The following CADM1 variants were observed in gnomAD, a reference collection of about 807,000 sequenced individuals.
CADM1 encodes the protein TSLC-1.
CADM1 carries 15 observed loss-of-function variants against 53.1 expected under a neutral mutation model. That is an observed-to-expected ratio of 0.28 (90% CI 0.19 to 0.44). The LOEUF is 0.44. CADM1 is among the 20% of genes least tolerant of loss of function. The probability of loss-of-function intolerance (pLI) is 1.00; values close to 1 mark genes in which losing one functional copy is unlikely to be tolerated. For missense variants in CADM1, 434 were observed against 611.3 expected, an observed-to-expected ratio of 0.71 and a Z score of 3.06; for synonymous variants, 281 against 243.0, an observed-to-expected ratio of 1.16 and a Z score of -1.45.
rs1328026513 is a variant in CADM1 at position 115,233,708 on chromosome 11, A to C, written c.425-2218T>G. Among the ~76,000 whole-genome samples, 3 of 152,092 alleles carry C rather than the reference A, an allele frequency of 2.0e-5. No individual in the cohort carries two copies. The East Asian group carries it at 5.8e-4, about 29-fold the overall frequency. On this transcript the variant is annotated intron_variant, in intron 3 of 11. Transcript: ENST00000331581. ...GAGTGTCTTCTCAACTAAGGAAGGA[A>C]TGAAAGTAAAAAAAAAAAATACCTT...
At chr11:115,284,634 T>G (rs1644971799) in intron 1 of CADM1, among the ~76,000 whole-genome samples, 2 of 152,184 alleles carry the variant, frequency 1.3e-5, no homozygotes, top group Non-Finnish European at 2.9e-5. Flanking sequence ...TTCCTCCTTT[T>G]CTATTTTTTC....
intron 1 of CADM1, among the ~76,000 whole-genome samples, chr11:115,315,179 G>A (rs951606022): frequency 3.3e-5 from 5 of 152,128 alleles, no homozygotes; most frequent in Admixed American, 1.3e-4. Flanking sequence ...AAAGAAAAAG[G>A]AGGGAGGAAG....
intron 1 of CADM1, among the ~76,000 whole-genome samples, chr11:115,405,408 G>C (rs1306522946): frequency 6.6e-6 from 1 of 152,136 alleles, no homozygotes; most frequent in East Asian, 1.9e-4. Flanking sequence ...ACAATCACGT[G>C]GGAGAGCTTT....
rs986437211 is a variant in CADM1 at position 115,254,877 on chromosome 11, T to C, written c.125-14457A>G. Reference sequence around the variant, plus strand: ...AATTTGCACTGTATCTTGTAATCAATAGGGGGCCATTAAGTGATTTTAATC... The same window carrying C: ...AATTTGCACTGTATCTTGTAATCAACAGGGGGCCATTAAGTGATTTTAATC... On this transcript the variant is annotated intron_variant, in intron 1 of 11. Coordinates refer to ENST00000331581, the MANE Select transcript of CADM1 (RefSeq NM_001301043.2). 1.2e-4 allele frequency among the ~76,000 whole-genome samples: 19 copies of C among 152,158 alleles called. 1 individual carries two copies. Among genetic ancestry groups the C allele is most frequent in the Non-Finnish European group, 2.4e-4 (16 of 68,022 alleles).
chr11:115,377,063 C>T (rs997898260), intron 1 of CADM1: 3 of 152,160 alleles, frequency 2.0e-5, no homozygotes, highest in African/African-American at 7.2e-5. Context: ...ATACCATAAA[C>T]CATCATCTCC....
intron 1 of CADM1, among the ~76,000 whole-genome samples, chr11:115,360,584 T>C (rs958962417): frequency 1.3e-5 from 2 of 152,202 alleles, no homozygotes; most frequent in African/African-American, 4.8e-5. Flanking sequence ...CCTGTTGAAA[T>C]TTCCTTACAT....
intron 1 of CADM1, among the ~76,000 whole-genome samples, chr11:115,481,023 T>C (rs983699120): frequency 2.0e-5 from 3 of 152,148 alleles, no homozygotes; most frequent in South Asian, 2.1e-4. Context: ...ATATCTCTTA[T>C]TTTATGATAT....
chr11:115,461,704 G>A (rs1374423636), intron 1 of CADM1, among the ~76,000 whole-genome samples: 6 of 152,160 alleles, frequency 3.9e-5, no homozygotes, highest in African/African-American at 7.2e-5. Context: ...ATGGCCATAG[G>A]GGCAGCCTTT....
At chr11:115,383,087 G>A (rs976654067) in intron 1 of CADM1, among the ~76,000 whole-genome samples, 1 of 152,100 alleles carries the variant, frequency 6.6e-6, no homozygotes, top group Non-Finnish European at 1.5e-5. Context: ...ATTAACTTTT[G>A]CTTCTTTAAT....
At chr11:115,281,224 C>G in intron 1 of CADM1, among the ~76,000 whole-genome samples, 1 of 152,298 alleles carries the variant, frequency 6.6e-6, no homozygotes, top group African/African-American at 2.4e-5. Flanking sequence ...TCAAGCTATT[C>G]TGAACAGACC....
intron 1 of CADM1, chr11:115,333,753 C>T (rs1441753330): frequency 5.9e-5 from 9 of 152,168 alleles, no homozygotes; most frequent in African/African-American, 2.2e-4. Context: ...AAATATTCAT[C>T]AGCAGAGTCA....
chr11:115,331,672 T>G (rs537248528), intron 1 of CADM1, among the ~76,000 whole-genome samples: 1 of 152,026 alleles, frequency 6.6e-6, no homozygotes, highest in Non-Finnish European at 1.5e-5. Flanking sequence ...CTAACTCAAA[T>G]AGAGTAAATA....
chr11:115,350,505 T>A (rs1175547826), intron 1 of CADM1, among the ~76,000 whole-genome samples: 1 of 127,242 alleles, frequency 7.9e-6, no homozygotes, highest in Non-Finnish European at 1.9e-5. Flanking sequence ...ACCATTCTTT[T>A]TTTCTTTTTT....
intron 1 of CADM1, among the ~76,000 whole-genome samples, chr11:115,339,350 T>A (rs1945359984): frequency 1.3e-5 from 2 of 152,044 alleles, no homozygotes; most frequent in African/African-American, 4.8e-5. Context: ...TGCAGCACTA[T>A]TCACAATAGC....
intron 1 of CADM1, among the ~76,000 whole-genome samples, chr11:115,469,357 A>T (rs546264545): frequency 6.6e-6 from 1 of 152,338 alleles, no homozygotes; most frequent in South Asian, 2.1e-4. Flanking sequence ...CAACTCTATG[A>T]GGTGGATGCC....
At chr11:115,493,185 T>C (rs1261184540) in intron 1 of CADM1, among the ~76,000 whole-genome samples, 2 of 150,770 alleles carry the variant, frequency 1.3e-5, no homozygotes, top group Admixed American at 1.3e-4. Flanking sequence ...AATGAGAATA[T>C]ATTAAAAGGA....
intron 1 of CADM1, among the ~76,000 whole-genome samples, chr11:115,294,167 A>G (rs1943984506): frequency 6.6e-6 from 1 of 152,132 alleles, no homozygotes; most frequent in Non-Finnish European, 1.5e-5. Context: ...GCCTCTCCAG[A>G]CGTAGCCTCT....
chr11:115,364,858 G>C (rs763253056), intron 1 of CADM1, among the ~76,000 whole-genome samples: 2 of 152,124 alleles, frequency 1.3e-5, no homozygotes, highest in Non-Finnish European at 2.9e-5. Context: ...ATTAATGTTG[G>C]CGTGTACCTC....
Position 115,277,153 on chromosome 11 carries a change from T to G in CADM1, c.125-36733A>C, listed in dbSNP as rs192407983. Among the ~76,000 whole-genome samples the G allele has an allele frequency of 3.3e-5, 5 of 152,314 alleles. No individual in the cohort carries two copies. The East Asian group carries it at 9.6e-4, about 29-fold the overall frequency. ...CAATGCCCCACCACAAAGTAAGCCA[T>G]AGCAACATCTTTTGCTCCTACAAGT... On this transcript the variant is annotated intron_variant, in intron 1 of 11. Coordinates refer to ENST00000331581, the MANE Select transcript of CADM1 (RefSeq NM_001301043.2).
Sources: allele counts gnomAD v4.1 joint callset (sites outside exome capture counted in the v4.1 genomes callset), GRCh38; gene constraint gnomAD v4.1.1; transcripts MANE v1.5; gene names NCBI Gene and HGNC (gene_info 2026-07-23, HGNC 2026-07-21).